NPAT: variants seen among roughly 807,000 people sequenced by gnomAD.
NPAT encodes protein NPAT.
NPAT carries 52 observed loss-of-function variants against 130.7 expected under a neutral mutation model. That is an observed-to-expected ratio of 0.40 (90% CI 0.32 to 0.50). The LOEUF (loss-of-function observed/expected upper bound fraction) is 0.50. Among genes scored for constraint, NPAT ranks in the 20% least tolerant of loss-of-function variants. NPAT has a pLI of 0.68. For synonymous variants in NPAT, 580 were observed against 584.8 expected, an observed-to-expected ratio of 0.99 and a Z score of 0.12; for missense variants, 1,687 against 1,662.6, an observed-to-expected ratio of 1.01 and a Z score of -0.26.
intron 1 of NPAT, among the ~76,000 whole-genome samples, chr11:108,216,935 CAT>C (rs2078440675): frequency 1.3e-5 from 2 of 152,192 alleles, no homozygotes; most frequent in South Asian, 4.1e-4. Context: ...TGACTACTCT[CAT>C]GTTCACTGAT....
rs12271798 is a variant in NPAT at position 108,203,870 on chromosome 11, T to C, written c.38-6450A>G. Among the ~76,000 whole-genome samples, 1,304 of 152,358 alleles carry C rather than the reference T, an allele frequency of 8.6e-3. 11 individuals carry two copies. The highest frequency in any genetic ancestry group is 0.029 in the African/African-American group (1,205 of 41,580). On this transcript the variant is annotated intron_variant, in intron 1 of 17. Coordinates refer to ENST00000278612, the MANE Select transcript of NPAT (RefSeq NM_002519.3). ...TCTGTTATCTTTGGGACTACATTTTTCCCTTCTAGCTCCTCTTTGTATAAT... is the reference window on the plus strand; with the variant it reads ...TCTGTTATCTTTGGGACTACATTTTCCCCTTCTAGCTCCTCTTTGTATAAT...
chr11:108,189,081 T>G (rs768737412), intron 6 of NPAT, 25 bp downstream of exon 6: 7 of 1,577,084 alleles, frequency 4.4e-6, no homozygotes, highest in East Asian at 2.2e-5. Flanking sequence ...ACAACAAAAT[T>G]TAAGAGAACA....
Position 108,173,145 on chromosome 11 carries a change from T to C in NPAT, c.1839A>G (p.Ser613=), listed in dbSNP as rs777804417. ...CTACTTGTCCAGATACATTTAAATG[T>C]GAACTTTCAACAGACACAGGTAGTA... ...SEILPVSVES[S]HLNVSGQVEI... is the part of the protein sequence containing the mutation. The change falls in exon 13 of 18, where the codon TCA becomes TCG. Residue 613 remains serine, a synonymous_variant. Transcript: ENST00000278612. 1 of 1,613,878 alleles carries C rather than the reference T, an allele frequency of 6.2e-7. No individual in the cohort carries two copies. The highest frequency in any genetic ancestry group is 1.1e-5 in the South Asian group (1 of 91,072).
intron 1 of NPAT, among the ~76,000 whole-genome samples, chr11:108,197,777 A>G (rs1049554234): frequency 6.6e-6 from 1 of 152,226 alleles, no homozygotes; most frequent in African/African-American, 2.4e-5. Flanking sequence ...GTATAAATTC[A>G]CTTACTGCGT....
In NPAT at chr11:108,169,971, A is replaced by G. The variant is rs1197751892; in HGVS notation, c.2858T>C (p.Val953Ala). Residue 953 changes from valine (V) to alanine (A), a missense_variant, in exon 14 of 18, where the codon GTG becomes GCG. By Grantham distance (64) the Val-to-Ala change is moderately conservative. Coordinates refer to ENST00000278612, the MANE Select transcript of NPAT (RefSeq NM_002519.3). ...QGMVGMIPVS[V>A]VGQNGNNFST... ...AAAGTTATTTCCATTCTGTCCAACC[A>G]CAGATACTGGGATCATCCCTACCAT... 2 of 1,613,866 alleles carry G rather than the reference A, an allele frequency of 1.2e-6. No individual in the cohort carries two copies. Among genetic ancestry groups the G allele is most frequent in the Non-Finnish European group, 1.7e-6 (2 of 1,179,900 alleles).
Position 108,186,524 on chromosome 11 carries a change from T to G in NPAT, c.684A>C (p.Thr228=), listed in dbSNP as rs1161272610. 39 of 1,614,028 alleles carry G rather than the reference T, an allele frequency of 2.4e-5. No homozygotes were observed. Among genetic ancestry groups the G allele is most frequent in the Non-Finnish European group, 3.3e-5 (39 of 1,180,012 alleles). The part of the protein sequence containing the change: ...KSTTLSGPHS[T]IRNFQDPNAF... ...CGTTTGGATCTTGGAAATTCCGTAT[T>G]GTTGAATGAGGGCCAGACAAAGTGG... The change falls in exon 8 of 18, where the codon ACA becomes ACC. Residue 228 remains threonine, a synonymous_variant. Transcript: ENST00000278612.
chr11:108,215,881 A>G (rs772208282), intron 1 of NPAT, among the ~76,000 whole-genome samples: 2 of 152,242 alleles, frequency 1.3e-5, no homozygotes, highest in African/African-American at 2.4e-5. Context: ...TTTATCTCAG[A>G]TAACATGACT....
At chr11:108,164,447 G>C (rs538491024) in intron 15 of NPAT, among the ~76,000 whole-genome samples, 2 of 152,274 alleles carry the variant, frequency 1.3e-5, no homozygotes, top group South Asian at 4.1e-4. Flanking sequence ...AAGAAAACTG[G>C]CCAAAGTGGC....
chr11:108,159,156 C>A, intron 17 of NPAT, 137 bp from the exon 18 acceptor site: 1 of 615,640 alleles, frequency 1.6e-6, no homozygotes, highest in Non-Finnish European at 2.9e-6. Context: ...TAGAATTTTA[C>A]TTCTATAGAG....
Position 108,173,378 on chromosome 11 carries a change from G to T in NPAT, c.1606C>A (p.Gln536Lys). ...LSGKSSQLLS[Q>K]DTSLTGKPSK... ...GGCTTTCCAGTTAATGAAGTATCTT[G>T]GGATAAAAGTTGAGAACTCTTCCCA... The change falls in exon 13 of 18, where the codon CAA becomes AAA. Residue 536 changes from glutamine (Q) to lysine (K), a missense_variant. Around this residue, in one of 3 missense-constraint regions of NPAT, gnomAD observed 1,379 missense variants for 1,346.6 expected, o/e 1.02. Transcript: ENST00000278612. 1 of 1,613,564 alleles carries T rather than the reference G, an allele frequency of 6.2e-7. No individual in the cohort carries two copies. Among genetic ancestry groups the T allele is most frequent in the Non-Finnish European group, 8.5e-7 (1 of 1,179,572 alleles).
In NPAT at chr11:108,189,308, T is replaced by G; in HGVS notation, c.354A>C (p.Ala118=). The change falls in exon 6 of 18, where the codon GCA becomes GCC. Residue 118 remains alanine (A), a synonymous_variant. Transcript: ENST00000278612. Reference sequence around the variant, plus strand: ...CAAGCTTTCTCTGCCGTTTGATTTCTGCAATTCCAGTTCTCGTTCGGGCTG... The same window carrying G: ...CAAGCTTTCTCTGCCGTTTGATTTCGGCAATTCCAGTTCTCGTTCGGGCTG... ...SQRARTRTGI[A]EIKRQRKLAS... 6.2e-7 allele frequency: 1 copy of G among 1,614,204 alleles called. No homozygotes were observed. The highest frequency in any genetic ancestry group is 8.5e-7 in the Non-Finnish European group (1 of 1,180,034).
At chr11:108,208,121 A>G (rs1409931933) in intron 1 of NPAT, among the ~76,000 whole-genome samples, 1 of 152,190 alleles carries the variant, frequency 6.6e-6, no homozygotes, top group African/African-American at 2.4e-5. Flanking sequence ...TTACTGGTTG[A>G]GCATCGCTAA....
intron 12 of NPAT, among the ~76,000 whole-genome samples, chr11:108,175,785 T>C (rs1233647242): frequency 6.6e-6 from 1 of 152,184 alleles, no homozygotes; most frequent in African/African-American, 2.4e-5. Flanking sequence ...AACATGTGCC[T>C]TAATAAAAAT....
intron 15 of NPAT, among the ~76,000 whole-genome samples, chr11:108,164,737 C>T (rs2077884846): frequency 6.6e-6 from 1 of 152,088 alleles, no homozygotes; most frequent in Non-Finnish European, 1.5e-5. Flanking sequence ...CTAGGCCGGG[C>T]GCAGTGGCTC....
intron 8 of NPAT, among the ~76,000 whole-genome samples, chr11:108,185,753 TAC>T (rs2078100932): frequency 1.3e-5 from 2 of 152,216 alleles, no homozygotes; most frequent in South Asian, 4.1e-4. Context: ...GCCCTATTTT[TAC>T]AGTGTCGCTC....
chr11:108,161,506 C>A lies in NPAT; in HGVS notation c.3580G>T (p.Gly1194Cys), dbSNP rs181187590. The A allele has an allele frequency of 3.9e-3, 6,302 of 1,614,144 alleles. 59 individuals are homozygous for A. Among genetic ancestry groups the A allele is most frequent in the Non-Finnish European group, 3.1e-3 (3,695 of 1,180,028 alleles). Reference sequence around the variant, plus strand: ...GCTATAGATTTCTCACTTCGCAAACCCCCATTTTGCTGCCCAATAGATAGT... The same window carrying A: ...GCTATAGATTTCTCACTTCGCAAACACCCATTTTGCTGCCCAATAGATAGT... ...SKLSIGQQNG[G>C]LRSEKSIASL... Residue 1194 changes from glycine (G) to cysteine (C), a missense_variant, in exon 17 of 18, where the codon GGT becomes TGT. This residue lies in a region of NPAT where 1,379 missense variants were observed against 1,346.6 expected (regional missense o/e 1.02). Transcript: ENST00000278612.
chr11:108,211,507 C>T (rs979785742), intron 1 of NPAT, among the ~76,000 whole-genome samples: 1 of 149,658 alleles, frequency 6.7e-6, no homozygotes, highest in Non-Finnish European at 1.5e-5. Flanking sequence ...TGGGCCACTG[C>T]ACTCCAGAAT....
At chr11:108,214,473 T>C (rs1442009901) in intron 1 of NPAT, among the ~76,000 whole-genome samples, 2 of 152,102 alleles carry the variant, frequency 1.3e-5, no homozygotes, top group Non-Finnish European at 2.9e-5. Context: ...GACTTAATAG[T>C]ATAAGGATTC....
chr11:108,172,817 T>G lies in NPAT; in HGVS notation c.2167A>C (p.Lys723Gln). ...TCTGCTGAGTTGTTGCTAGAAGGTTTATCATCAGTATTTTGGGACTCAGGG... is the reference window on the plus strand; with the variant it reads ...TCTGCTGAGTTGTTGCTAGAAGGTTGATCATCAGTATTTTGGGACTCAGGG... ...SHPESQNTDD[K>Q]PSSNNSAEID... The change falls in exon 13 of 18, where the codon AAA becomes CAA. Residue 723 changes from lysine to glutamine, a missense_variant. Around this residue, in one of 3 missense-constraint regions of NPAT, gnomAD observed 1,379 missense variants for 1,346.6 expected, o/e 1.02. Transcript: ENST00000278612. The G allele has an allele frequency of 1.9e-6, 3 of 1,613,788 alleles. No individual in the cohort carries two copies. The highest frequency in any genetic ancestry group is 1.7e-6 in the Non-Finnish European group (2 of 1,179,958).
Sources: gnomAD v4.1 joint callset for allele counts (sites outside exome capture counted in the v4.1 genomes callset) on GRCh38, gnomAD v4.1.1 for gene constraint, gnomAD v4.1.1 regional missense constraint, MANE v1.5 for transcripts, NCBI Gene and HGNC (gene_info 2026-07-23, HGNC 2026-07-21) for gene names.